Variants in KAT6B observed in about 807,000 individuals in gnomAD.
The protein encoded by KAT6B is histone acetyltransferase KAT6B.
KAT6B carries 10 observed loss-of-function variants against 187.5 expected under a neutral mutation model. The observed-to-expected ratio is 0.05, with a 90% confidence interval of 0.03 to 0.09. KAT6B has a LOEUF of 0.09. Ranked by LOEUF, KAT6B falls within the 10% of genes least tolerant of loss-of-function variation. KAT6B has a pLI of 1.00. For missense variants in KAT6B, 1,952 were observed against 2,558.9 expected (o/e 0.76, Z 5.12); for synonymous variants, 861 against 926.8 (o/e 0.93, Z 1.29).
intron 13 of KAT6B, among the ~76,000 whole-genome samples, chr10:75,011,380 T>C (rs1844597015): frequency 6.6e-6 from 1 of 152,146 alleles, no homozygotes; most frequent in African/African-American, 2.4e-5. Context: ...CTGCATGCCT[T>C]TCTAATTTCT....
At chr10:74,922,808 C>T (rs1301605140) in intron 3 of KAT6B, among the ~76,000 whole-genome samples, 2 of 152,130 alleles carry the variant, frequency 1.3e-5, no homozygotes, top group East Asian at 3.8e-4. Context: ...ATGTAACCTC[C>T]AGTGGTGGTT....
chr10:74,980,482 G>A (rs565755256), intron 10 of KAT6B, among the ~76,000 whole-genome samples: 1 of 152,204 alleles, frequency 6.6e-6, no homozygotes, highest in African/African-American at 2.4e-5. Context: ...CAAGAATTTT[G>A]GTTTCTCCTT....
intron 4 of KAT6B, among the ~76,000 whole-genome samples, chr10:74,962,765 A>G (rs991283626): frequency 1.3e-5 from 2 of 152,182 alleles, no homozygotes; most frequent in African/African-American, 4.8e-5. Flanking sequence ...CTTACATCAT[A>G]AAGTAAAGCC....
intron 11 of KAT6B, chr10:74,983,026 T>C (rs1842610314): frequency 1.3e-5 from 2 of 152,250 alleles, no homozygotes; most frequent in Admixed American, 1.3e-4. Flanking sequence ...CCAAGACTGA[T>C]CAGAGAACAT....
chr10:74,887,271 C>T (rs1469788073), intron 3 of KAT6B, among the ~76,000 whole-genome samples: 4 of 152,032 alleles, frequency 2.6e-5, no homozygotes, highest in Non-Finnish European at 5.9e-5. Flanking sequence ...CACTCCTGGC[C>T]CAGGGACTGA....
chr10:74,970,061 T>C lies in KAT6B; in HGVS notation c.888T>C (p.His296=), dbSNP rs1387797992. The change falls in exon 6 of 18, where the codon CAT becomes CAC. Residue 296 remains histidine, a synonymous_variant. Transcript: ENST00000287239. ...LFCDSCDRGF[H]MECCDPPLSR... is the part of the protein sequence containing the mutation. The stretch of plus-strand genomic sequence containing the variant: ...GTGATTCCTGTGATAGAGGATTTCA[T>C]ATGGAATGCTGTGACCCACCACTTT... The C allele has an allele frequency of 6.2e-7, 1 of 1,612,748 alleles. No homozygotes were observed. Among genetic ancestry groups the C allele is most frequent in the Non-Finnish European group, 8.5e-7 (1 of 1,178,762 alleles).
At chr10:74,844,479 G>C (rs1023913590) in intron 3 of KAT6B, among the ~76,000 whole-genome samples, 1 of 152,208 alleles carries the variant, frequency 6.6e-6, no homozygotes, top group Non-Finnish European at 1.5e-5. Context: ...GATTACAGGC[G>C]TGAGACACCA....
intron 3 of KAT6B, among the ~76,000 whole-genome samples, chr10:74,856,858 A>T (rs1209434374): frequency 6.6e-6 from 1 of 152,108 alleles, no homozygotes; most frequent in African/African-American, 2.4e-5. Flanking sequence ...CCAAGGTCAC[A>T]CCACTGCGCT....
At chr10:74,913,532 A>C (rs1196907997) in intron 3 of KAT6B, among the ~76,000 whole-genome samples, 1 of 152,240 alleles carries the variant, frequency 6.6e-6, no homozygotes, top group Non-Finnish European at 1.5e-5. Context: ...ACAGAAAGTG[A>C]AACTTCACAT....
In KAT6B at chr10:75,029,057, G is replaced by A. The variant is rs1846109095; in HGVS notation, c.4233G>A (p.Glu1411=). 2 of 1,614,048 alleles carry A rather than the reference G, an allele frequency of 1.2e-6. No homozygotes were observed. Among genetic ancestry groups the A allele is most frequent in the Admixed American group, 1.7e-5 (1 of 60,002 alleles). Residue 1411 remains glutamate (E), a synonymous_variant, in exon 18 of 18, where the codon GAG becomes GAA. Transcript: ENST00000287239. This position sits in a 1 kb window ranked among gnomAD's most constrained non-coding sequence, Gnocchi z 6.2. ...DSARLDDHEE[E]EEEDEEPSHN... ...CACGTTTGGATGATCACGAAGAGGA[G>A]GAGGAAGAGGATGAAGAGCCATCCC... is the stretch of plus-strand genomic sequence containing the variant.
At chr10:74,912,371 GGATGGATA>G (rs1169889897) in intron 3 of KAT6B, among the ~76,000 whole-genome samples, 678 of 62,940 alleles carry the variant, frequency 0.011, 7 homozygotes, top group African/African-American at 0.033. Context: ...TTAAATGGAT[GGATGGATA>G]GATAGATAGA....
chr10:74,977,203 T>A (rs2133744896), intron 8 of KAT6B, 113 bp from the exon 9 acceptor site: 3 of 1,114,270 alleles, frequency 2.7e-6, no homozygotes, highest in East Asian at 2.6e-5. Context: ...TATAAAGCTT[T>A]AAAAAAAATC....
At chr10:74,850,762 G>A (rs140425606) in intron 3 of KAT6B, among the ~76,000 whole-genome samples, 183 of 152,314 alleles carry the variant, frequency 1.2e-3, no homozygotes, top group East Asian at 4.0e-3. Context: ...TTATCACTGC[G>A]CACTTTGTAG....
At chr10:74,896,331 C>T (rs1181457472) in intron 3 of KAT6B, among the ~76,000 whole-genome samples, 1 of 152,078 alleles carries the variant, frequency 6.6e-6, no homozygotes, top group Non-Finnish European at 1.5e-5. Context: ...ACTCCATCAC[C>T]CAGGCTGGAG....
upstream of KAT6B, among the ~76,000 whole-genome samples, chr10:74,825,415 G>A (rs1840113404): frequency 6.6e-6 from 1 of 150,382 alleles, no homozygotes; most frequent in Non-Finnish European, 1.5e-5. The surrounding 1 kb of genome is among the most constrained non-coding windows in gnomAD (Gnocchi z 5.0). Context: ...CCCCCGGCCA[G>A]GCCGGGCGGG....
intron 10 of KAT6B, 72 bp from the exon 11 acceptor site, chr10:74,981,715 T>C: frequency 8.8e-7 from 1 of 1,131,914 alleles, no homozygotes; most frequent in Non-Finnish European, 1.3e-6. Flanking sequence ...TAGAGAAAAT[T>C]GAACAATATT....
At chr10:74,844,507 A>G (rs570425900) in intron 3 of KAT6B, among the ~76,000 whole-genome samples, 2 of 152,278 alleles carry the variant, frequency 1.3e-5, no homozygotes, top group South Asian at 2.1e-4. Context: ...CTGATAATCT[A>G]TGCATGTAAG....
intron 11 of KAT6B, chr10:74,982,334 A>G: frequency 1.3e-5 from 3 of 227,868 alleles, no homozygotes; most frequent in Non-Finnish European, 1.8e-5. Flanking sequence ...TCCTCAATAC[A>G]CAACCACCTG....
chr10:74,857,343 C>T (rs919942265), intron 3 of KAT6B, among the ~76,000 whole-genome samples: 4 of 152,154 alleles, frequency 2.6e-5, no homozygotes, highest in Non-Finnish European at 4.4e-5. Flanking sequence ...CTAGAGGCTG[C>T]GCATATTCCT....
Sources: gnomAD v4.1 joint callset for allele counts (sites outside exome capture counted in the v4.1 genomes callset) on GRCh38, gnomAD v4.1.1 for gene constraint, Gnocchi (gnomAD v3.1) non-coding constraint, MANE v1.5 for transcripts, NCBI Gene and HGNC (gene_info 2026-07-23, HGNC 2026-07-21) for gene names.